PPP1R14C: variants seen among roughly 807,000 people sequenced by gnomAD.
PPP1R14C encodes the protein protein phosphatase 1 regulatory inhibitor subunit 14C.
In PPP1R14C, 16 loss-of-function variants were observed where a neutral mutation model predicts 20.4. The ratio of observed to expected loss-of-function variants is 0.78; its 90% CI spans 0.53 to 1.19. The LOEUF (loss-of-function observed/expected upper bound fraction) is 1.19, where lower values mean the gene tolerates loss of function less well. PPP1R14C is among the 50% of genes most tolerant of loss of function. The pLI, the probability that PPP1R14C is intolerant of heterozygous loss-of-function variation, is 0.00. For synonymous variants in PPP1R14C, 91 were observed against 91.0 expected (o/e 1.00, Z 0.00); for missense variants, 211 against 220.1 (o/e 0.96, Z 0.26).
intron 1 of PPP1R14C, among the ~76,000 whole-genome samples, chr6:150,212,701 C>T (rs1562271083): frequency 6.6e-6 from 1 of 152,202 alleles, no homozygotes; most frequent in African/African-American, 2.4e-5. Context: ...CAATGGACTG[C>T]ATATATGACA....
Position 150,143,178 on chromosome 6 carries a change from C to G in PPP1R14C, c.-15C>G. ...CCCTCCTCCGGGCCGCACTGAGGCTCGGGCGCGCGGGGACATGTCGGTGGC... is the reference window on the plus strand; with the variant it reads ...CCCTCCTCCGGGCCGCACTGAGGCTGGGGCGCGCGGGGACATGTCGGTGGC... On this transcript the variant is annotated 5_prime_UTR_variant, in exon 1 of 4. Coordinates refer to ENST00000361131, the MANE Select transcript of PPP1R14C (RefSeq NM_030949.3). The surrounding 1 kb of genome is among the most constrained non-coding windows in gnomAD (Gnocchi z 5.6). 1 of 1,315,530 alleles carries G rather than the reference C, an allele frequency of 7.6e-7. No individual in the cohort carries two copies. The allele number at this position is 1,315,530 out of a possible 1,614,324, so 81.5% of individuals were successfully genotyped here.
chr6:150,191,826 T>C (rs548273948), intron 1 of PPP1R14C, among the ~76,000 whole-genome samples: 1 of 152,126 alleles, frequency 6.6e-6, no homozygotes, highest in Non-Finnish European at 1.5e-5. Context: ...AATTCAAAGG[T>C]GAGACTTTAA....
At chr6:150,159,617 CT>C (rs35323993) in intron 1 of PPP1R14C, among the ~76,000 whole-genome samples, 103,562 of 146,078 alleles carry the variant, frequency 0.71, 36,870 homozygotes, top group East Asian at 0.88. Flanking sequence ...GCCAGGCATT[CT>C]TTTTTTTTTT....
rs1243239527 is a variant in PPP1R14C, at chr6:150,185,254, G to A, written c.307-29490G>A. 6.6e-6 allele frequency among the ~76,000 whole-genome samples: 1 copy of A among 152,142 alleles called. No individual in the cohort carries two copies. The highest frequency in any genetic ancestry group is 1.5e-5 in the Non-Finnish European group (1 of 68,034). On this transcript the variant is annotated intron_variant, in intron 1 of 3. Transcript: ENST00000361131. The surrounding 1 kb of genome is among the most constrained non-coding windows in gnomAD (Gnocchi z 4.1). ...GCCTCTCTTACAGGGTAGTTGTGAG[G>A]ATGAAGGGGTTAAATGCAGGTGAAA...
At chr6:150,177,819 A>G (rs190290507) in intron 1 of PPP1R14C, among the ~76,000 whole-genome samples, 2 of 152,284 alleles carry the variant, frequency 1.3e-5, no homozygotes, top group East Asian at 3.9e-4. Flanking sequence ...TCCGGACTGC[A>G]GCAGAACCCC....
intron 1 of PPP1R14C, among the ~76,000 whole-genome samples, chr6:150,167,685 T>C (rs1777438702): frequency 6.6e-6 from 1 of 152,056 alleles, no homozygotes; most frequent in Admixed American, 6.5e-5. Flanking sequence ...AGCTGTCTTA[T>C]ATACTGTATA....
Position 150,143,112 on chromosome 6 carries a change from C to T in PPP1R14C, c.-81C>T, listed in dbSNP as rs1169235677. The stretch of plus-strand genomic sequence containing the variant: ...CGGGGAGCCCTTCGCATGCGGCTGC[C>T]GGGCCGGAGGTGGTAGCGGCGCCGG... On this transcript the variant is annotated 5_prime_UTR_variant, in exon 1 of 4. Coordinates refer to ENST00000361131, the MANE Select transcript of PPP1R14C (RefSeq NM_030949.3). The surrounding 1 kb of genome is among the most constrained non-coding windows in gnomAD (Gnocchi z 5.6). The T allele has an allele frequency of 1.7e-6, 2 of 1,158,726 alleles. No homozygotes were observed. The highest frequency in any genetic ancestry group is 2.1e-6 in the Non-Finnish European group (2 of 944,852). 71.8% of individuals were successfully genotyped at this position (1,158,726 alleles called of 1,614,324 possible).
chr6:150,165,683 T>G (rs1442279321), intron 1 of PPP1R14C, among the ~76,000 whole-genome samples: 2 of 152,252 alleles, frequency 1.3e-5, no homozygotes, highest in African/African-American at 2.4e-5. Flanking sequence ...AGAATTTTCC[T>G]CTATTTTGAG....
At chr6:150,191,699 A>G (rs1777748312) in intron 1 of PPP1R14C, among the ~76,000 whole-genome samples, 2 of 152,340 alleles carry the variant, frequency 1.3e-5, no homozygotes, top group African/African-American at 4.8e-5. Context: ...GCAATATAGT[A>G]CCTGTATATT....
chr6:150,155,210 G>A (rs759458871), intron 1 of PPP1R14C, among the ~76,000 whole-genome samples: 7 of 152,172 alleles, frequency 4.6e-5, no homozygotes, highest in Non-Finnish European at 1.0e-4. Flanking sequence ...ATTACTTTCT[G>A]TTGGGGAGTT....
intron 3 of PPP1R14C, among the ~76,000 whole-genome samples, chr6:150,239,867 A>G (rs938833602): frequency 2.6e-5 from 4 of 152,226 alleles, no homozygotes; most frequent in African/African-American, 9.6e-5. Flanking sequence ...AGCCTGGCCA[A>G]CATGGTGAAA....
At chr6:150,144,559 C>T (rs1203419197) in intron 1 of PPP1R14C, among the ~76,000 whole-genome samples, 1 of 152,188 alleles carries the variant, frequency 6.6e-6, no homozygotes, top group East Asian at 1.9e-4. Context: ...GGTTTGTGTT[C>T]ATTCAACTGT....
At chr6:150,229,920 T>C (rs1440214667) in intron 3 of PPP1R14C, among the ~76,000 whole-genome samples, 2 of 152,094 alleles carry the variant, frequency 1.3e-5, no homozygotes, top group Admixed American at 6.5e-5. Flanking sequence ...TGGTGAGTGA[T>C]GGTGGGCGAG....
At chr6:150,182,540 T>C (rs1462263360) in intron 1 of PPP1R14C, among the ~76,000 whole-genome samples, 1 of 152,176 alleles carries the variant, frequency 6.6e-6, no homozygotes, top group African/African-American at 2.4e-5. Flanking sequence ...CGTCCTAATG[T>C]CATCACTATG....
intron 1 of PPP1R14C, among the ~76,000 whole-genome samples, chr6:150,199,897 C>T (rs966324089): frequency 6.6e-6 from 1 of 151,424 alleles, no homozygotes; most frequent in Non-Finnish European, 1.5e-5. Context: ...GTTCTTTATA[C>T]ATTACCCAGC....
At chr6:150,160,338 C>A (rs1365330450) in intron 1 of PPP1R14C, among the ~76,000 whole-genome samples, 1 of 147,364 alleles carries the variant, frequency 6.8e-6, no homozygotes, top group Non-Finnish European at 1.5e-5. Context: ...GATCTCGGCT[C>A]ACTGCAAGCT....
chr6:150,163,284 G>A (rs1041870930), intron 1 of PPP1R14C, among the ~76,000 whole-genome samples: 2 of 152,116 alleles, frequency 1.3e-5, no homozygotes, highest in Admixed American at 6.5e-5. Flanking sequence ...CCAGCTACTC[G>A]GGAGGCTGAG....
chr6:150,202,069 G>A (rs933849320), intron 1 of PPP1R14C, among the ~76,000 whole-genome samples: 1 of 152,220 alleles, frequency 6.6e-6, no homozygotes, highest in Non-Finnish European at 1.5e-5. Context: ...AGCTGAGCCT[G>A]TGTGCCCCGG....
At chr6:150,236,772 C>T (rs995244686) in intron 3 of PPP1R14C, among the ~76,000 whole-genome samples, 24 of 152,102 alleles carry the variant, frequency 1.6e-4, no homozygotes, top group Admixed American at 1.4e-3. Context: ...GACGGGAGGT[C>T]GCACAGTCTG....
Sources: allele counts gnomAD v4.1 joint callset (sites outside exome capture counted in the v4.1 genomes callset), GRCh38; gene constraint gnomAD v4.1.1; non-coding constraint Gnocchi (gnomAD v3.1); transcripts MANE v1.5; gene names NCBI Gene and HGNC (gene_info 2026-07-23, HGNC 2026-07-21).